The following HYAL4 variants were observed in gnomAD, a reference collection of about 807,000 sequenced individuals.
HYAL4 encodes hyaluronidase-4.
Under a neutral mutation model 35.2 loss-of-function variants are expected in HYAL4, and 37 were observed. That is an observed-to-expected ratio of 1.05 (90% confidence interval 0.81 to 1.38). The LOEUF (loss-of-function observed/expected upper bound fraction) is 1.38. Among genes scored for constraint, HYAL4 ranks in the 40% most tolerant of loss-of-function variants. The probability of loss-of-function intolerance (pLI) is 0.00; values close to 1 mark genes in which losing one functional copy is unlikely to be tolerated. For synonymous variants in HYAL4, 198 were observed against 203.2 expected (o/e 0.97, Z 0.22); for missense variants, 572 against 572.4 (o/e 1.00, Z 0.01).
chr7:123,847,684 A>G (rs148331614), intron 1 of HYAL4, among the ~76,000 whole-genome samples: 1 of 152,170 alleles, frequency 6.6e-6, no homozygotes, highest in Non-Finnish European at 1.5e-5. Context: ...AGGCTGAGAC[A>G]GGAGAATCAC....
chr7:123,764,323 A>G, the HYAL4 span, among the ~76,000 whole-genome samples: 189 of 152,244 alleles, frequency 1.2e-3, no homozygotes, highest in African/African-American at 4.4e-3. Flanking sequence ...CCTTCTCTGA[A>G]TTTCCCGGGT....
chr7:123,808,596 T>C, the HYAL4 span, among the ~76,000 whole-genome samples: 1 of 152,282 alleles, frequency 6.6e-6, no homozygotes, highest in Admixed American at 6.5e-5. Context: ...CTCATAGAAC[T>C]CTGACAGATC....
Position 123,869,205 on chromosome 7 carries a change from AAC to A in HYAL4, c.933_934del (p.Glu311AspfsTer7). ...TACACAAGGCTAGGGTACAGAGATG[AAC>A]CTTTATTTTTCCTTTCTAAGGTAAG... On this transcript the variant is annotated frameshift_variant, in exon 3 of 5. Transcript: ENST00000223026. LOFTEE classifies it high-confidence loss of function. 2 of 1,601,202 alleles carry A rather than the reference AAC, an allele frequency of 1.2e-6. No individual in the cohort carries two copies. Among genetic ancestry groups the A allele is most frequent in the Non-Finnish European group, 1.7e-6 (2 of 1,173,522 alleles).
At chr7:123,791,276 T>A in the HYAL4 span, among the ~76,000 whole-genome samples, 2 of 152,148 alleles carry the variant, frequency 1.3e-5, no homozygotes, top group African/African-American at 4.8e-5. Flanking sequence ...CATGTCAACA[T>A]GGGCATGTTG....
At chr7:123,810,487 C>A in the HYAL4 span, among the ~76,000 whole-genome samples, 5 of 152,276 alleles carry the variant, frequency 3.3e-5, no homozygotes, top group African/African-American at 1.2e-4. Flanking sequence ...GCATCTATAA[C>A]TTTCTTCATT....
the HYAL4 span, among the ~76,000 whole-genome samples, chr7:123,823,742 TATACAC>T: frequency 5.5e-5 from 8 of 144,390 alleles, no homozygotes; most frequent in Admixed American, 1.4e-4. Flanking sequence ...TATATATATA[TATACAC>T]ACACACACAC....
Position 123,869,236 on chromosome 7 carries a change from C to T in HYAL4, c.954+9C>T. ...TATTTTTCCTTTCTAAGGTAAGAAG[C>T]TTCTTGTCCAATGGTGGGGGATTTC... On this transcript the variant is annotated intron_variant, in intron 3 of 4. Transcript: ENST00000223026. The T allele has an allele frequency of 3.9e-6, 6 of 1,543,314 alleles. No homozygotes were observed. In the South Asian group the frequency reaches 4.8e-5, roughly 12 times the overall value.
At chr7:123,824,857 A>T (rs995009497), upstream of HYAL4, among the ~76,000 whole-genome samples, 5 of 152,154 alleles carry the variant, frequency 3.3e-5, no homozygotes, top group African/African-American at 9.7e-5. Flanking sequence ...AACCTGTAGC[A>T]GAGCTTTGCA....
At chr7:123,825,769 A>C (rs1158322019), upstream of HYAL4, among the ~76,000 whole-genome samples, 2 of 152,152 alleles carry the variant, frequency 1.3e-5, no homozygotes, top group African/African-American at 2.4e-5. Flanking sequence ...TAGGCTTGTC[A>C]GATATAAATG....
At chr7:123,844,004 C>G (rs1179656931), upstream of HYAL4, among the ~76,000 whole-genome samples, 7 of 152,020 alleles carry the variant, frequency 4.6e-5, no homozygotes, top group African/African-American at 1.4e-4. Context: ...TCTGTCAACT[C>G]ATCAAAGTTA....
intron 2 of HYAL4, among the ~76,000 whole-genome samples, chr7:123,862,566 G>T (rs1444126572): frequency 6.6e-6 from 1 of 152,204 alleles, no homozygotes; most frequent in Non-Finnish European, 1.5e-5. Flanking sequence ...ATCGCACTGG[G>T]TGTTTGAGAA....
At chr7:123,823,744 T>C in the HYAL4 span, among the ~76,000 whole-genome samples, 43,743 of 112,650 alleles carry the variant, frequency 0.39, 7,099 homozygotes, top group Non-Finnish European at 0.44. Context: ...TATATATATA[T>C]ACACACACAC....
the HYAL4 span, among the ~76,000 whole-genome samples, chr7:123,772,898 A>G: frequency 1.3e-5 from 2 of 152,254 alleles, no homozygotes; most frequent in Non-Finnish European, 1.5e-5. Flanking sequence ...CAGATGTTAC[A>G]GTTAAAAAAC....
At chr7:123,817,788 A>G in the HYAL4 span, among the ~76,000 whole-genome samples, 7 of 151,220 alleles carry the variant, frequency 4.6e-5, no homozygotes, top group Non-Finnish European at 1.0e-4. Flanking sequence ...GGGATTACCC[A>G]TCTTCCAATG....
intron 3 of HYAL4, among the ~76,000 whole-genome samples, chr7:123,872,336 A>G (rs1806904442): frequency 6.6e-6 from 1 of 152,236 alleles, no homozygotes; most frequent in South Asian, 2.1e-4. Flanking sequence ...TTAAAAATTA[A>G]CAACAGGAGT....
chr7:123,776,808 A>G, the HYAL4 span, among the ~76,000 whole-genome samples: 1 of 152,030 alleles, frequency 6.6e-6, no homozygotes, highest in Non-Finnish European at 1.5e-5. Flanking sequence ...ACTGGCACAA[A>G]GAGTTGTGAG....
the HYAL4 span, among the ~76,000 whole-genome samples, chr7:123,790,168 C>T: frequency 6.6e-5 from 10 of 152,140 alleles, no homozygotes; most frequent in Middle Eastern, 3.4e-3. Flanking sequence ...TGAAATTGAC[C>T]GTCAGAGCTG....
chr7:123,835,884 T>A (rs1372004195), intron 1 of HYAL4, among the ~76,000 whole-genome samples: 2 of 152,230 alleles, frequency 1.3e-5, no homozygotes, highest in East Asian at 3.8e-4. Flanking sequence ...TGCATGGTTT[T>A]AAAGCTTCCT....
intron 4 of HYAL4, among the ~76,000 whole-genome samples, chr7:123,875,622 A>C (rs1806993858): frequency 6.7e-6 from 1 of 149,582 alleles, no homozygotes; most frequent in Non-Finnish European, 1.5e-5. Context: ...ACACCACTGC[A>C]CTCGAGCCTG....
Sources: allele counts gnomAD v4.1 joint callset (sites outside exome capture counted in the v4.1 genomes callset), GRCh38; gene constraint gnomAD v4.1.1; transcripts MANE v1.5; gene names NCBI Gene and HGNC (gene_info 2026-07-23, HGNC 2026-07-21).